The following PPP1R9A variants were observed in gnomAD, a reference collection of about 807,000 sequenced individuals.
PPP1R9A encodes protein phosphatase 1 regulatory subunit 9A.
Under a neutral mutation model 141.9 loss-of-function variants are expected in PPP1R9A, and 59 were observed. That is an observed-to-expected ratio of 0.42 (90% confidence interval 0.34 to 0.52). PPP1R9A has a LOEUF of 0.52. Among genes scored for constraint, PPP1R9A ranks in the 20% least tolerant of loss-of-function variants. The probability of loss-of-function intolerance (pLI) is 0.10; values close to 1 mark genes in which losing one functional copy is unlikely to be tolerated. For missense variants in PPP1R9A, 1,444 were observed against 1,611.9 expected, an observed-to-expected ratio of 0.90 and a Z score of 1.78; for synonymous variants, 500 against 569.7, an observed-to-expected ratio of 0.88 and a Z score of 1.74.
intron 2 of PPP1R9A, among the ~76,000 whole-genome samples, chr7:95,006,581 C>T (rs1803632512): frequency 6.6e-6 from 1 of 151,956 alleles, no homozygotes; most frequent in Non-Finnish European, 1.5e-5. Context: ...AAAGGAAGAT[C>T]CTAAATATAA....
intron 4 of PPP1R9A, among the ~76,000 whole-genome samples, chr7:95,134,413 A>G (rs1197043808): frequency 6.6e-6 from 1 of 152,088 alleles, no homozygotes; most frequent in Non-Finnish European, 1.5e-5. Flanking sequence ...GCAGCAAACC[A>G]CCATGACACA....
rs909234522 is a variant in PPP1R9A at position 95,290,019 on chromosome 7, A to G, written c.3913-72A>G. The G allele has an allele frequency of 3.2e-6, 5 of 1,570,890 alleles. No individual in the cohort carries two copies. In the African/African-American group the frequency reaches 6.9e-5, roughly 22 times the overall value. On this transcript the variant is annotated intron_variant, in intron 19 of 19. Transcript: ENST00000433360. ...TTTGAATTAGTTTACGAACTTGGAT[A>G]TATGGTATGTTAACACCATCAGAGG...
At chr7:95,108,461 C>T (rs1361936505) in intron 2 of PPP1R9A, among the ~76,000 whole-genome samples, 3 of 151,462 alleles carry the variant, frequency 2.0e-5, no homozygotes, top group Middle Eastern at 3.2e-3. Context: ...CAGGTGCCTG[C>T]CACCACACCC....
chr7:94,914,204 C>T (rs962034542), intron 2 of PPP1R9A, among the ~76,000 whole-genome samples: 7 of 152,130 alleles, frequency 4.6e-5, no homozygotes, highest in African/African-American at 1.7e-4. Context: ...CTTTTCCTGG[C>T]TGTCACTTTA....
intron 2 of PPP1R9A, among the ~76,000 whole-genome samples, chr7:94,991,302 T>C (rs1168638262): frequency 6.6e-6 from 1 of 152,212 alleles, no homozygotes; most frequent in Non-Finnish European, 1.5e-5. Flanking sequence ...TTTCCTAAAT[T>C]GGTTGGCAAT....
rs138326157 is a variant in PPP1R9A at position 95,103,587 on chromosome 7, C to A, written c.1396-7672C>A. 6.8e-3 allele frequency among the ~76,000 whole-genome samples: 1,029 copies of A among 152,130 alleles called. 16 individuals are homozygous for A. Among genetic ancestry groups the A allele is most frequent in the African/African-American group, 0.023 (963 of 41,494 alleles). ...GTTTCACCGTGTTAGCCAGGTTGGT[C>A]TAGATCTCCTGACCTGGTGATCCGC... On this transcript the variant is annotated intron_variant, in intron 2 of 19. Transcript: ENST00000433360.
intron 2 of PPP1R9A, among the ~76,000 whole-genome samples, chr7:94,998,944 C>T (rs1483354573): frequency 6.6e-6 from 1 of 152,118 alleles, no homozygotes; most frequent in Non-Finnish European, 1.5e-5. Context: ...TTGGTAGAGA[C>T]AGGGTCTCAC....
chr7:95,090,921 CTT>C (rs961473997), intron 2 of PPP1R9A, among the ~76,000 whole-genome samples: 2 of 151,972 alleles, frequency 1.3e-5, no homozygotes, highest in Non-Finnish European at 2.9e-5. Context: ...GTTTTATAAT[CTT>C]TTCACATACC....
intron 4 of PPP1R9A, among the ~76,000 whole-genome samples, chr7:95,143,279 CTT>C (rs1443605116): frequency 6.6e-6 from 1 of 152,116 alleles, no homozygotes; most frequent in Non-Finnish European, 1.5e-5. Context: ...GGTATCATCT[CTT>C]GTTTTTGGTC....
chr7:95,042,408 T>A (rs1809381523), intron 2 of PPP1R9A, among the ~76,000 whole-genome samples: 1 of 152,192 alleles, frequency 6.6e-6, no homozygotes, highest in Admixed American at 6.6e-5. Flanking sequence ...GAAGTAGAAC[T>A]TTTTATATCA....
At chr7:95,027,352 C>G (rs1194661834) in intron 2 of PPP1R9A, among the ~76,000 whole-genome samples, 2 of 152,142 alleles carry the variant, frequency 1.3e-5, no homozygotes, top group South Asian at 4.1e-4. Context: ...TTTCTGACCT[C>G]TTGCACTTCC....
intron 2 of PPP1R9A, among the ~76,000 whole-genome samples, chr7:95,031,771 A>T (rs2151818852): frequency 6.6e-6 from 1 of 152,148 alleles, no homozygotes; most frequent in East Asian, 1.9e-4. Context: ...TTCAAAAAAA[A>T]AAAAAAAAGA....
At chr7:94,907,567 G>A (rs1790887195), upstream of PPP1R9A, 1 of 152,134 alleles carries the variant, frequency 6.6e-6, no homozygotes, top group Non-Finnish European at 1.5e-5. Flanking sequence ...CGGCCGAGGG[G>A]GTGGGGCGGC....
chr7:95,134,005 G>A (rs1034578202), intron 4 of PPP1R9A, among the ~76,000 whole-genome samples: 3 of 152,136 alleles, frequency 2.0e-5, no homozygotes, highest in African/African-American at 7.2e-5. Context: ...AATTTTAAAT[G>A]CTTTAAAAAC....
intron 2 of PPP1R9A, among the ~76,000 whole-genome samples, chr7:94,924,069 T>C (rs1793158184): frequency 6.6e-6 from 1 of 151,042 alleles, no homozygotes; most frequent in African/African-American, 2.5e-5. Context: ...TGTATATAAT[T>C]ATAAGAACTA....
chr7:95,077,946 T>C (rs921926975), intron 2 of PPP1R9A, among the ~76,000 whole-genome samples: 5 of 151,708 alleles, frequency 3.3e-5, no homozygotes, highest in Non-Finnish European at 1.5e-5. Context: ...TAGATCTAAG[T>C]TTCCCTTACA....
At chr7:95,144,362 G>C (rs1041862721) in intron 4 of PPP1R9A, among the ~76,000 whole-genome samples, 3 of 152,084 alleles carry the variant, frequency 2.0e-5, no homozygotes, top group African/African-American at 7.2e-5. Flanking sequence ...ATGTGTGCGT[G>C]TGTAAAATCA....
intron 5 of PPP1R9A, among the ~76,000 whole-genome samples, chr7:95,182,045 G>A (rs770900381): frequency 6.6e-6 from 1 of 151,884 alleles, no homozygotes; most frequent in Non-Finnish European, 1.5e-5. Context: ...GGGGTGGCAA[G>A]GGATAAAAGA....
chr7:95,284,370 G>A (rs1179112704), intron 17 of PPP1R9A, 40 bp downstream of exon 17: 1 of 1,374,526 alleles, frequency 7.3e-7, no homozygotes, highest in African/African-American at 1.5e-5. Context: ...TATTTCTTAT[G>A]TGGGGAAAAG....
Sources: allele counts gnomAD v4.1 joint callset (sites outside exome capture counted in the v4.1 genomes callset), GRCh38; gene constraint gnomAD v4.1.1; transcripts MANE v1.5; gene names NCBI Gene and HGNC (gene_info 2026-07-23, HGNC 2026-07-21).